TMEM108: variants seen among roughly 807,000 people sequenced by gnomAD.
TMEM108 encodes the protein cancer/testis antigen 124.
Under a neutral mutation model 35.1 loss-of-function variants are expected in TMEM108, and 12 were observed. The observed-to-expected ratio is 0.34, with a 90% confidence interval of 0.22 to 0.55. TMEM108 has a LOEUF of 0.55. TMEM108 is among the 20% of genes least tolerant of loss of function. TMEM108 has a pLI of 0.89. For missense variants in TMEM108, 680 were observed against 753.3 expected, an observed-to-expected ratio of 0.90 and a Z score of 1.14; for synonymous variants, 287 against 308.6, an observed-to-expected ratio of 0.93 and a Z score of 0.73.
At chr3:133,193,809 G>A (rs1945536100) in intron 2 of TMEM108, among the ~76,000 whole-genome samples, 1 of 151,904 alleles carries the variant, frequency 6.6e-6, no homozygotes, top group African/African-American at 2.4e-5. Flanking sequence ...TAGGCTTTTT[G>A]TATAAAAATT....
chr3:133,109,948 A>T (rs1944205638), intron 2 of TMEM108, among the ~76,000 whole-genome samples: 1 of 152,070 alleles, frequency 6.6e-6, no homozygotes, highest in Non-Finnish European at 1.5e-5. Flanking sequence ...GCTATGACAG[A>T]TTTTCTTTTT....
At chr3:133,125,715 G>A (rs1244649063) in intron 2 of TMEM108, among the ~76,000 whole-genome samples, 1 of 152,090 alleles carries the variant, frequency 6.6e-6, no homozygotes, top group Non-Finnish European at 1.5e-5. Flanking sequence ...CATATGAAGT[G>A]TATATATAAA....
intron 2 of TMEM108, among the ~76,000 whole-genome samples, chr3:133,114,291 T>C (rs1184209033): frequency 6.6e-6 from 1 of 152,160 alleles, no homozygotes; most frequent in Non-Finnish European, 1.5e-5. Context: ...TAATTCTAGA[T>C]TTAGGTATCA....
intron 2 of TMEM108, among the ~76,000 whole-genome samples, chr3:133,200,359 A>T (rs1159755909): frequency 6.6e-6 from 1 of 152,184 alleles, no homozygotes; most frequent in African/African-American, 2.4e-5. Flanking sequence ...AAATATTTGA[A>T]TGAATGCACA....
intron 3 of TMEM108, among the ~76,000 whole-genome samples, chr3:133,361,479 C>T (rs1361295417): frequency 6.6e-6 from 1 of 152,172 alleles, no homozygotes; most frequent in Non-Finnish European, 1.5e-5. Context: ...AATAAAACCA[C>T]CCCAAAAATT....
In TMEM108 at chr3:133,147,504, C is replaced by T. The variant is rs142724757; in HGVS notation, c.-46-81762C>T. 5.1e-3 allele frequency among the ~76,000 whole-genome samples: 780 copies of T among 152,154 alleles called. 8 individuals are homozygous for T. The highest frequency in any genetic ancestry group is 0.025 in the South Asian group (122 of 4,818). ...ATGATTAGTAATGTTGAGCATTTGT[C>T]CATATACTTGTTGGCCACATACATG... On this transcript the variant is annotated intron_variant, in intron 2 of 5. Coordinates refer to ENST00000321871, the MANE Select transcript of TMEM108 (RefSeq NM_023943.4).
At chr3:133,189,988 T>C (rs1409966292) in intron 2 of TMEM108, among the ~76,000 whole-genome samples, 1 of 152,128 alleles carries the variant, frequency 6.6e-6, no homozygotes, top group African/African-American at 2.4e-5. Context: ...CTCTCTTTGC[T>C]TTTGGTTGGA....
chr3:133,388,223 C>A (rs772774599), intron 4 of TMEM108: 1 of 985,366 alleles, frequency 1.0e-6, no homozygotes, highest in Non-Finnish European at 1.2e-6. Flanking sequence ...AGGTGTTTCA[C>A]CATGCCAGCT....
chr3:133,048,491 TAAC>T (rs1943365286), intron 2 of TMEM108, among the ~76,000 whole-genome samples: 1 of 152,218 alleles, frequency 6.6e-6, no homozygotes, highest in Non-Finnish European at 1.5e-5. Flanking sequence ...AAAGAGGCCA[TAAC>T]TCTGACCTAG....
chr3:133,231,262 A>G (rs1179722585), intron 3 of TMEM108, among the ~76,000 whole-genome samples: 1 of 152,246 alleles, frequency 6.6e-6, no homozygotes, highest in Admixed American at 6.5e-5. Flanking sequence ...TGGATAAAAA[A>G]TCATGATTGA....
chr3:133,302,232 C>T (rs1296922863), intron 3 of TMEM108, among the ~76,000 whole-genome samples: 1 of 152,160 alleles, frequency 6.6e-6, no homozygotes, highest in African/African-American at 2.4e-5. Context: ...AAAACCCAAA[C>T]TGTGACACAT....
intron 3 of TMEM108, among the ~76,000 whole-genome samples, chr3:133,336,847 A>T (rs934831834): frequency 7.9e-5 from 12 of 152,132 alleles, no homozygotes; most frequent in African/African-American, 2.4e-4. Context: ...CAGGCCAGGC[A>T]GCATTCACAA....
At chr3:133,360,457 A>G (rs2072312685) in intron 3 of TMEM108, among the ~76,000 whole-genome samples, 1 of 152,222 alleles carries the variant, frequency 6.6e-6, no homozygotes, top group African/African-American at 2.4e-5. Context: ...GCAGCCCTAC[A>G]GTTGATTGCA....
At chr3:133,134,359 T>A (rs1421590134) in intron 2 of TMEM108, among the ~76,000 whole-genome samples, 1 of 152,146 alleles carries the variant, frequency 6.6e-6, no homozygotes, top group African/African-American at 2.4e-5. Context: ...CTGACCTTTT[T>A]TTATCTGCTG....
intron 2 of TMEM108, among the ~76,000 whole-genome samples, chr3:133,189,798 G>A (rs566981126): frequency 1.2e-4 from 18 of 152,282 alleles, no homozygotes; most frequent in Admixed American, 4.6e-4. Flanking sequence ...CAAAAGTAGG[G>A]AAGAAAATTG....
chr3:133,235,316 C>A (rs1946219082), intron 3 of TMEM108, among the ~76,000 whole-genome samples: 1 of 152,084 alleles, frequency 6.6e-6, no homozygotes, highest in African/African-American at 2.4e-5. Context: ...GCCAAAAGAA[C>A]AAAGCTGGAG....
chr3:133,148,078 A>G (rs1944747115), intron 2 of TMEM108, among the ~76,000 whole-genome samples: 1 of 152,234 alleles, frequency 6.6e-6, no homozygotes, highest in South Asian at 2.1e-4. Context: ...TACCTGCATT[A>G]ATATACATAC....
intron 2 of TMEM108, among the ~76,000 whole-genome samples, chr3:133,225,267 C>T (rs1946052477): frequency 6.6e-6 from 1 of 151,938 alleles, no homozygotes; most frequent in Admixed American, 6.6e-5. Context: ...AGGATGGTCT[C>T]GATCTCCTGA....
intron 4 of TMEM108, chr3:133,386,364 T>A: frequency 1.3e-6 from 2 of 1,532,646 alleles, no homozygotes; most frequent in African/African-American, 2.7e-5. Context: ...TCAATAGTTG[T>A]TTGAAAGGTT....
Sources: gnomAD v4.1 joint callset for allele counts (sites outside exome capture counted in the v4.1 genomes callset) on GRCh38, gnomAD v4.1.1 for gene constraint, MANE v1.5 for transcripts, NCBI Gene and HGNC (gene_info 2026-07-23, HGNC 2026-07-21) for gene names.